Variants in CACNA2D2 observed in about 807,000 individuals in gnomAD.
The protein encoded by CACNA2D2 is calcium voltage-gated channel auxiliary subunit alpha2delta 2, also known as voltage-dependent calcium channel subunit alpha-2/delta-2.
A neutral mutation model predicts 166.4 loss-of-function variants in CACNA2D2; 48 were observed. That is an observed-to-expected ratio of 0.29 (90% confidence interval 0.23 to 0.37). The LOEUF (loss-of-function observed/expected upper bound fraction) is 0.37. Ranked by LOEUF, CACNA2D2 falls within the 10% of genes least tolerant of loss-of-function variation. The pLI is 1.00. For synonymous variants in CACNA2D2, 561 were observed against 573.7 expected (o/e 0.98, Z 0.32); for missense variants, 1,122 against 1,433.0 (o/e 0.78, Z 3.50).
intron 3 of CACNA2D2, among the ~76,000 whole-genome samples, chr3:50,421,830 G>A (rs1288890516): frequency 6.6e-6 from 1 of 152,146 alleles, no homozygotes; most frequent in African/African-American, 2.4e-5. Flanking sequence ...AGTGAGTCCA[G>A]GGGAAAGGCC....
chr3:50,474,322 C>T (rs1371034905), intron 2 of CACNA2D2, among the ~76,000 whole-genome samples: 2 of 152,164 alleles, frequency 1.3e-5, no homozygotes, highest in East Asian at 1.9e-4. Context: ...AAAAAAGGGG[C>T]GTATCTGTAT....
intron 1 of CACNA2D2, among the ~76,000 whole-genome samples, chr3:50,499,014 G>C (rs1287828125): frequency 1.3e-5 from 2 of 152,234 alleles, no homozygotes; most frequent in Non-Finnish European, 2.9e-5. Flanking sequence ...TGGGTGAGGG[G>C]TCTGGCCTGG....
chr3:50,372,138 C>T (rs1386788039), intron 22 of CACNA2D2, among the ~76,000 whole-genome samples: 2 of 152,148 alleles, frequency 1.3e-5, no homozygotes, highest in African/African-American at 4.8e-5. Context: ...TCTCACTCCC[C>T]TTACTCTCTG....
intron 3 of CACNA2D2, among the ~76,000 whole-genome samples, chr3:50,405,862 T>C (rs2106779189): frequency 6.6e-6 from 1 of 152,320 alleles, no homozygotes; most frequent in East Asian, 1.9e-4. Flanking sequence ...AAGGCCTGTT[T>C]GTAGCTTTTG....
chr3:50,471,881 G>C (rs769736003), intron 2 of CACNA2D2, among the ~76,000 whole-genome samples: 2 of 152,254 alleles, frequency 1.3e-5, no homozygotes, highest in Admixed American at 1.3e-4. Context: ...AGATGGAGTA[G>C]ATGGAGTAGG....
rs921765499 is a variant in CACNA2D2 at position 50,370,304 on chromosome 3, G to C, written c.2045+16C>G. 1 of 1,570,562 alleles carries C rather than the reference G, an allele frequency of 6.4e-7. No individual in the cohort carries two copies. Among genetic ancestry groups the C allele is most frequent in the Non-Finnish European group, 8.6e-7 (1 of 1,157,888 alleles). Reference sequence around the variant, plus strand: ...GGGTAGGGGAGGACACCTCAGCAAGGCCACACGCAAGCTACCTGGGAGCAA... The same window carrying C: ...GGGTAGGGGAGGACACCTCAGCAAGCCCACACGCAAGCTACCTGGGAGCAA... On this transcript the variant is annotated intron_variant, in intron 23 of 37. Coordinates refer to ENST00000424201, the MANE Select transcript of CACNA2D2 (RefSeq NM_006030.4).
intron 3 of CACNA2D2, among the ~76,000 whole-genome samples, chr3:50,398,523 C>G (rs991111876): frequency 1.3e-5 from 2 of 151,958 alleles, no homozygotes; most frequent in African/African-American, 2.4e-5. Context: ...AACTGGGTGT[C>G]TCTGGACCTG....
intron 3 of CACNA2D2, among the ~76,000 whole-genome samples, chr3:50,404,021 A>G (rs1706571966): frequency 6.6e-6 from 1 of 152,250 alleles, no homozygotes; most frequent in South Asian, 2.1e-4. Context: ...AAGCCAGCTC[A>G]GTGAGGAAAT....
chr3:50,365,290 T>G lies in CACNA2D2; in HGVS notation c.3098+66A>C. ...CTCGGAGGCCCCGCCCCTTCCATCC[T>G]CCCGAGCGTCTCGCCCCGCTCACAG... is the stretch of plus-strand genomic sequence containing the variant. On this transcript the variant is annotated intron_variant, in intron 35 of 37. Coordinates refer to ENST00000424201, the MANE Select transcript of CACNA2D2 (RefSeq NM_006030.4). The surrounding 1 kb of genome is among the most constrained non-coding windows in gnomAD (Gnocchi z 4.5). 6 of 1,330,406 alleles carry G rather than the reference T, an allele frequency of 4.5e-6. No individual in the cohort carries two copies. The highest frequency in any genetic ancestry group is 4.9e-6 in the Non-Finnish European group (5 of 1,017,008). The allele number at this position is 1,330,406 out of a possible 1,614,324, so 82.4% of individuals were successfully genotyped here.
At chr3:50,417,502 C>T (rs1243800621) in intron 3 of CACNA2D2, among the ~76,000 whole-genome samples, 1 of 152,224 alleles carries the variant, frequency 6.6e-6, no homozygotes, top group Non-Finnish European at 1.5e-5. Flanking sequence ...GCGCCGTCTG[C>T]TGTGCCTACA....
intron 3 of CACNA2D2, among the ~76,000 whole-genome samples, chr3:50,416,702 C>G (rs1707280970): frequency 6.6e-6 from 1 of 152,230 alleles, no homozygotes; most frequent in Admixed American, 6.5e-5. Context: ...AGCCGCGGAG[C>G]CACAGTGTGG....
intron 2 of CACNA2D2, among the ~76,000 whole-genome samples, chr3:50,473,138 T>C (rs1032945953): frequency 1.3e-5 from 2 of 152,106 alleles, no homozygotes; most frequent in Non-Finnish European, 2.9e-5. Context: ...CTAGCTGCGA[T>C]GTTAGATGAG....
At chr3:50,383,107 G>A (rs1705413617) in intron 6 of CACNA2D2, among the ~76,000 whole-genome samples, 1 of 152,226 alleles carries the variant, frequency 6.6e-6, no homozygotes, top group African/African-American at 2.4e-5. Flanking sequence ...CAATTTATGT[G>A]GGTAGCGAGG....
rs536084517 is a variant in CACNA2D2 at position 50,454,183 on chromosome 3, G to A, written c.289-19754C>T. 3.9e-4 allele frequency among the ~76,000 whole-genome samples: 59 copies of A among 152,314 alleles called. 1 individual carries two copies. The South Asian group carries it at 0.012, about 30-fold the overall frequency. On this transcript the variant is annotated intron_variant, in intron 2 of 37. Transcript: ENST00000424201. ...CAGAGCTGCCCCTCAGCCAGGCTCCGGAAGCCTCCTCCTCCCTCTTGTGTC... is the reference window on the plus strand; with the variant it reads ...CAGAGCTGCCCCTCAGCCAGGCTCCAGAAGCCTCCTCCTCCCTCTTGTGTC...
At position 50,434,284 on chromosome 3, in the gene CACNA2D2, G is replaced by GC. The variant is rs1559943697; in HGVS notation, c.405+28dup. On this transcript the variant is annotated intron_variant, in intron 3 of 37. Coordinates refer to ENST00000424201, the MANE Select transcript of CACNA2D2 (RefSeq NM_006030.4). ...CTCCACCTGGCCCTCCCTCAGTGCC[G>GC]CCCCCCTGCCCCCAAAACACACACC... 2.6e-6 allele frequency: 4 copies of GC among 1,522,080 alleles called. No homozygotes were observed. The African/African-American group carries it at 5.5e-5, about 21-fold the overall frequency. 94.3% of individuals were successfully genotyped at this position (1,522,080 alleles called of 1,614,324 possible). A position where few individuals can be genotyped will look rare whatever the true frequency, so the allele number is the denominator to read the frequency against.
At chr3:50,458,350 T>C (rs1709456623) in intron 2 of CACNA2D2, among the ~76,000 whole-genome samples, 1 of 152,094 alleles carries the variant, frequency 6.6e-6, no homozygotes, top group South Asian at 2.1e-4. Context: ...TGCTGCTAAC[T>C]CCAAGCCAAG....
At chr3:50,450,830 G>A (rs1416279837) in intron 2 of CACNA2D2, among the ~76,000 whole-genome samples, 1 of 151,978 alleles carries the variant, frequency 6.6e-6, no homozygotes, top group Admixed American at 6.5e-5. Context: ...ACACCCCACC[G>A]CACCAGCCAC....
chr3:50,479,471 A>G (rs971144642), intron 1 of CACNA2D2, among the ~76,000 whole-genome samples: 1 of 152,242 alleles, frequency 6.6e-6, no homozygotes, highest in African/African-American at 2.4e-5. Context: ...GTTAAAAGAA[A>G]ATAATTCATT....
chr3:50,387,747 C>G (rs934705320), intron 4 of CACNA2D2, 135 bp from the exon 5 acceptor site: 10 of 695,900 alleles, frequency 1.4e-5, no homozygotes, highest in Admixed American at 1.4e-4. Context: ...CCCAGAGCCC[C>G]CCTCCTGGAA....
Sources: gnomAD v4.1 joint callset for allele counts (sites outside exome capture counted in the v4.1 genomes callset) on GRCh38, gnomAD v4.1.1 for gene constraint, Gnocchi (gnomAD v3.1) non-coding constraint, MANE v1.5 for transcripts, NCBI Gene and HGNC (gene_info 2026-07-23, HGNC 2026-07-21) for gene names.